Variants in FBXL17 observed in about 807,000 individuals in gnomAD.
The protein encoded by FBXL17 is F-box/LRR-repeat protein 17.
A neutral mutation model predicts 66.2 loss-of-function variants in FBXL17; 22 were observed. The ratio of observed to expected loss-of-function variants is 0.33; its 90% CI spans 0.24 to 0.47. The LOEUF (loss-of-function observed/expected upper bound fraction) is 0.47, where lower values mean the gene tolerates loss of function less well. Ranked by LOEUF, FBXL17 falls within the 20% of genes least tolerant of loss-of-function variation. The probability of loss-of-function intolerance (pLI) is 1.00; values close to 1 mark genes in which losing one functional copy is unlikely to be tolerated. For synonymous variants in FBXL17, 474 were observed against 400.5 expected (o/e 1.18, Z -2.19); for missense variants, 878 against 948.2 (o/e 0.93, Z 0.97).
rs1294787820 is a variant in FBXL17 at position 108,203,608 on chromosome 5, A to G, written c.1615-17361T>C. Among the ~76,000 whole-genome samples, 5 of 152,302 alleles carry G rather than the reference A, an allele frequency of 3.3e-5. No homozygotes were observed. The South Asian group carries it at 1.0e-3, about 32-fold the overall frequency. On this transcript the variant is annotated intron_variant, in intron 5 of 8. Transcript: ENST00000542267. ...TTCAGAGCTGAATGAATTTAAGAAC[A>G]TATTTTTTACATCTCAGAATATCAC...
chr5:107,920,868 C>T (rs1176877304), intron 7 of FBXL17, among the ~76,000 whole-genome samples: 1 of 152,044 alleles, frequency 6.6e-6, no homozygotes, highest in Non-Finnish European at 1.5e-5. Flanking sequence ...CAAGTTTCTG[C>T]TTTGCCTTAA....
chr5:108,149,155 T>C (rs1205333850), intron 6 of FBXL17, among the ~76,000 whole-genome samples: 1 of 152,226 alleles, frequency 6.6e-6, no homozygotes. Flanking sequence ...AGGATGACAA[T>C]GATTTATAGA....
At chr5:108,303,515 A>T (rs1046007733) in intron 4 of FBXL17, among the ~76,000 whole-genome samples, 1 of 151,892 alleles carries the variant, frequency 6.6e-6, no homozygotes, top group African/African-American at 2.4e-5. Flanking sequence ...AATAATTCTG[A>T]ATTTAAAAGG....
At chr5:107,878,431 C>T in intron 8 of FBXL17, 3 of 607,664 alleles carry the variant, frequency 4.9e-6, no homozygotes, top group Non-Finnish European at 6.2e-6. Context: ...CATTCACATG[C>T]TCACAATTCT....
intron 4 of FBXL17, among the ~76,000 whole-genome samples, chr5:108,319,457 G>A (rs1759518293): frequency 6.6e-6 from 1 of 151,634 alleles, no homozygotes; most frequent in Non-Finnish European, 1.5e-5. Context: ...TAATGCAAAT[G>A]CATTAACAAA....
chr5:107,946,255 T>TTTTATA (rs1208616623), intron 7 of FBXL17, among the ~76,000 whole-genome samples: 28 of 40,388 alleles, frequency 6.9e-4, no homozygotes, highest in Non-Finnish European at 9.7e-4. Context: ...CAATCTCATT[T>TTTTATA]TATATATATA....
intron 6 of FBXL17, among the ~76,000 whole-genome samples, chr5:108,164,644 TTAAC>T (rs1752341163): frequency 6.6e-6 from 1 of 152,178 alleles, no homozygotes. Flanking sequence ...TATTAAGTAG[TTAAC>T]TATGTGCCAG....
chr5:107,880,785 T>C (rs1748762647), intron 8 of FBXL17: 7 of 1,330,952 alleles, frequency 5.3e-6, no homozygotes, highest in Non-Finnish European at 3.8e-6. Flanking sequence ...TCTAGTTGAC[T>C]ATGTATATGA....
At chr5:107,991,424 G>A (rs1382562208) in intron 7 of FBXL17, among the ~76,000 whole-genome samples, 1 of 152,176 alleles carries the variant, frequency 6.6e-6, no homozygotes, top group Non-Finnish European at 1.5e-5. Flanking sequence ...TGGCCTGAGT[G>A]AGTCCCTGTT....
At chr5:107,879,189 T>G (rs747689788) in intron 8 of FBXL17, 19 of 985,308 alleles carry the variant, frequency 1.9e-5, no homozygotes, top group Non-Finnish European at 2.2e-5. Context: ...CATCTAAAGA[T>G]TACAGGTTAG....
intron 7 of FBXL17, among the ~76,000 whole-genome samples, chr5:107,970,739 T>C (rs1752341059): frequency 6.6e-6 from 1 of 152,136 alleles, no homozygotes; most frequent in African/African-American, 2.4e-5. Context: ...CTGCCCTTGT[T>C]ACCACACCTC....
intron 2 of FBXL17, among the ~76,000 whole-genome samples, chr5:108,365,350 T>A (rs907625818): frequency 1.3e-5 from 2 of 152,082 alleles, no homozygotes; most frequent in Non-Finnish European, 2.9e-5. Flanking sequence ...GGGGGCTGGT[T>A]ACCAGAAAAA....
At chr5:108,055,314 GAAAAAC>G (rs1561388329) in intron 6 of FBXL17, among the ~76,000 whole-genome samples, 956 of 43,826 alleles carry the variant, frequency 0.022, 56 homozygotes, top group African/African-American at 0.08. Flanking sequence ...AAAAAAAAAA[GAAAAAC>G]GCTTCAGGCC....
intron 4 of FBXL17, among the ~76,000 whole-genome samples, chr5:108,249,334 G>C (rs1280352240): frequency 6.6e-6 from 1 of 152,070 alleles, no homozygotes; most frequent in Non-Finnish European, 1.5e-5. Flanking sequence ...GAATATATCT[G>C]ACTGATATAA....
chr5:108,056,876 A>G (rs1747730049), intron 6 of FBXL17, among the ~76,000 whole-genome samples: 2 of 152,252 alleles, frequency 1.3e-5, no homozygotes, highest in Admixed American at 6.5e-5. Context: ...CTCCTACAGG[A>G]CATTATAAAA....
At chr5:108,201,079 T>C (rs1203796824) in intron 5 of FBXL17, among the ~76,000 whole-genome samples, 2 of 152,196 alleles carry the variant, frequency 1.3e-5, no homozygotes, top group Non-Finnish European at 2.9e-5. Context: ...CTTCTAACGA[T>C]TAATAACAGG....
intron 4 of FBXL17, among the ~76,000 whole-genome samples, chr5:108,303,639 C>T (rs1186305126): frequency 6.6e-6 from 1 of 151,904 alleles, no homozygotes; most frequent in East Asian, 1.9e-4. Flanking sequence ...AGTATTTTAA[C>T]TACAGCAAAA....
At chr5:107,942,639 C>T (rs1424713517) in intron 7 of FBXL17, among the ~76,000 whole-genome samples, 2 of 152,132 alleles carry the variant, frequency 1.3e-5, no homozygotes, top group East Asian at 1.9e-4. Context: ...CCAACCTCTT[C>T]ACCTGTGCTT....
intron 7 of FBXL17, among the ~76,000 whole-genome samples, chr5:107,999,483 A>C (rs1271940189): frequency 7.2e-6 from 1 of 138,612 alleles, no homozygotes; most frequent in African/African-American, 2.7e-5. Context: ...ACACACACAC[A>C]CCACACACAC....
Sources: allele counts gnomAD v4.1 joint callset (sites outside exome capture counted in the v4.1 genomes callset), GRCh38; gene constraint gnomAD v4.1.1; transcripts MANE v1.5; gene names NCBI Gene and HGNC (gene_info 2026-07-23, HGNC 2026-07-21).